LPAR6: variants seen among roughly 807,000 people sequenced by gnomAD.
LPAR6 encodes lysophosphatidic acid receptor 6.
Under a neutral mutation model 22.0 loss-of-function variants are expected in LPAR6, and 17 were observed. That is an observed-to-expected ratio of 0.77 (90% confidence interval 0.53 to 1.16). The LOEUF (loss-of-function observed/expected upper bound fraction) is 1.16. LPAR6 is among the 50% of genes most tolerant of loss of function. LPAR6 has a pLI of 0.00. For synonymous variants in LPAR6, 136 were observed against 139.8 expected (o/e 0.97, Z 0.19); for missense variants, 384 against 406.9 (o/e 0.94, Z 0.48).
intron 1 of LPAR6, among the ~76,000 whole-genome samples, chr13:48,440,540 A>C (rs998326057): frequency 6.6e-6 from 1 of 152,166 alleles, no homozygotes; most frequent in African/African-American, 2.4e-5. Flanking sequence ...GTTGAAATTT[A>C]GTATTTGGCT....
upstream of LPAR6, among the ~76,000 whole-genome samples, chr13:48,428,477 C>T (rs1419671163): frequency 1.3e-5 from 2 of 152,224 alleles, no homozygotes; most frequent in African/African-American, 4.8e-5. Context: ...TTGGGGATCA[C>T]ATTTCAACAC....
chr13:48,436,507 G>T (rs1483899130), intron 1 of LPAR6, among the ~76,000 whole-genome samples: 1 of 152,080 alleles, frequency 6.6e-6, no homozygotes, highest in Non-Finnish European at 1.5e-5. Flanking sequence ...GCTGAGTATG[G>T]TGGCACATGC....
intron 1 of LPAR6, among the ~76,000 whole-genome samples, chr13:48,395,011 T>C (rs1267568246): frequency 1.3e-5 from 2 of 152,162 alleles, no homozygotes; most frequent in East Asian, 1.9e-4. Context: ...AGCTGCCATC[T>C]GGTGGGTACC....
At chr13:48,436,558 G>A (rs1307833209) in intron 1 of LPAR6, among the ~76,000 whole-genome samples, 2 of 151,956 alleles carry the variant, frequency 1.3e-5, no homozygotes, top group East Asian at 1.9e-4. Flanking sequence ...CAGGAGAATC[G>A]CTTGAACCCG....
At chr13:48,400,606 G>A (rs9562819) in intron 1 of LPAR6, among the ~76,000 whole-genome samples, 86,021 of 151,942 alleles carry the variant, frequency 0.57, 28,560 homozygotes, top group Non-Finnish European at 0.72. Flanking sequence ...GCCTGGAAGT[G>A]TAAACACTGC....
intron 2 of LPAR6, among the ~76,000 whole-genome samples, chr13:48,421,426 C>G (rs1949003631): frequency 6.6e-6 from 1 of 152,092 alleles, no homozygotes; most frequent in South Asian, 2.1e-4. Context: ...AGAAGAAAAC[C>G]TAGGCAATAC....
chr13:48,417,098 A>C (rs998830554), upstream of LPAR6: 1 of 152,384 alleles, frequency 6.6e-6, no homozygotes, highest in African/African-American at 2.4e-5. Flanking sequence ...TGCCTCCTCA[A>C]GTGGGTCTCT....
At chr13:48,394,561 G>A (rs1948633590) in intron 1 of LPAR6, among the ~76,000 whole-genome samples, 1 of 152,182 alleles carries the variant, frequency 6.6e-6, no homozygotes, top group African/African-American at 2.4e-5. Context: ...GTAGAGCTAG[G>A]TAGGGGGAGG....
intron 1 of LPAR6, among the ~76,000 whole-genome samples, chr13:48,391,866 C>T (rs2138160835): frequency 6.6e-6 from 1 of 152,064 alleles, no homozygotes; most frequent in South Asian, 2.1e-4. Flanking sequence ...ATTTGCCTGC[C>T]TCGGCCTCCT....
chr13:48,396,021 T>C (rs1948645201), intron 1 of LPAR6, among the ~76,000 whole-genome samples: 2 of 152,150 alleles, frequency 1.3e-5, no homozygotes, highest in Non-Finnish European at 2.9e-5. Context: ...TGGCAAAACA[T>C]TCCATGCTCA....
chr13:48,398,393 G>C (rs1227467247), intron 1 of LPAR6, among the ~76,000 whole-genome samples: 1 of 151,970 alleles, frequency 6.6e-6, no homozygotes, highest in Admixed American at 6.6e-5. Flanking sequence ...AAATTATTTA[G>C]CTTGTTCTAA....
At chr13:48,414,066 G>A (rs891283607), upstream of LPAR6, among the ~76,000 whole-genome samples, 2 of 151,808 alleles carry the variant, frequency 1.3e-5, no homozygotes, top group Non-Finnish European at 2.9e-5. Flanking sequence ...TCATATTTTG[G>A]GCCAGGTGCA....
chr13:48,411,494 C>A lies in LPAR6; in HGVS notation c.930G>T (p.Arg310Ser), dbSNP rs1290479348. ...NSIKMKNWSVRRSDFRFSEVH... is the reference protein window; with the variant it reads ...NSIKMKNWSVSRSDFRFSEVH... ...CTTCAGAGAATCTGAAGTCACTTCT[C>A]CTGACAGACCAGTTTTTCATTTTTA... Residue 310 changes from arginine (R) to serine (S), a missense_variant, in exon 1 of 1, where the codon AGG (arginine) becomes AGT (serine). Transcript: ENST00000620633. 6.2e-7 allele frequency: 1 copy of A among 1,612,644 alleles called. No homozygotes were observed. Among genetic ancestry groups the A allele is most frequent in the East Asian group, 2.2e-5 (1 of 44,782 alleles).
chr13:48,414,819 A>T (rs932269346), upstream of LPAR6, among the ~76,000 whole-genome samples: 1 of 152,200 alleles, frequency 6.6e-6, no homozygotes, highest in African/African-American at 2.4e-5. Flanking sequence ...CAATACTTAA[A>T]ATTTTGAAGG....
chr13:48,420,863 T>A (rs940159588), intron 2 of LPAR6, among the ~76,000 whole-genome samples: 1 of 151,800 alleles, frequency 6.6e-6, no homozygotes, highest in African/African-American at 2.4e-5. Context: ...AACTACAAAC[T>A]TCACTGCTCA....
chr13:48,431,187 A>G (rs1949126171), upstream of LPAR6, among the ~76,000 whole-genome samples: 1 of 152,228 alleles, frequency 6.6e-6, no homozygotes, highest in African/African-American at 2.4e-5. Context: ...GCATCTAAAC[A>G]AGCATATCAT....
At chr13:48,417,614 A>G (rs1307823523), upstream of LPAR6, among the ~76,000 whole-genome samples, 5 of 152,198 alleles carry the variant, frequency 3.3e-5, no homozygotes, top group Non-Finnish European at 7.3e-5. Flanking sequence ...TTCTAACCCA[A>G]TGCAAGGAAG....
At chr13:48,430,362 G>T (rs1480874067), upstream of LPAR6, among the ~76,000 whole-genome samples, 1 of 152,078 alleles carries the variant, frequency 6.6e-6, no homozygotes, top group Non-Finnish European at 1.5e-5. Flanking sequence ...ATAAATTCTA[G>T]CTAGATCAAT....
At chr13:48,399,100 A>T (rs1020643778) in intron 1 of LPAR6, among the ~76,000 whole-genome samples, 1 of 152,100 alleles carries the variant, frequency 6.6e-6, no homozygotes, top group Non-Finnish European at 1.5e-5. Flanking sequence ...TGTTTTCAGA[A>T]TCCACAATAA....
Sources: allele counts gnomAD v4.1 joint callset (sites outside exome capture counted in the v4.1 genomes callset), GRCh38; gene constraint gnomAD v4.1.1; transcripts MANE v1.5; gene names NCBI Gene and HGNC (gene_info 2026-07-23, HGNC 2026-07-21).